The following CDH19 variants were observed in gnomAD, a reference collection of about 807,000 sequenced individuals.
CDH19 encodes cadherin-19.
CDH19 carries 67 observed loss-of-function variants against 64.2 expected under a neutral mutation model. The observed-to-expected ratio is 1.04, with a 90% CI of 0.86 to 1.28. The LOEUF is 1.28. CDH19 is among the 50% of genes most tolerant of loss of function. The pLI is 0.00. For missense variants in CDH19, 1,030 were observed against 929.0 expected, an observed-to-expected ratio of 1.11 and a Z score of -1.41; for synonymous variants, 346 against 319.3, an observed-to-expected ratio of 1.08 and a Z score of -0.89.
intron 4 of CDH19, 66 bp downstream of exon 4, chr18:66,554,339 T>C (rs1320114287): frequency 6.5e-7 from 1 of 1,538,244 alleles, no homozygotes; most frequent in Non-Finnish European, 8.9e-7. Context: ...TCTAAGCAGA[T>C]AATTTTTGCT....
At chr18:66,509,327 A>G in intron 10 of CDH19, 81 bp from the exon 11 acceptor site, 1 of 1,213,676 alleles carries the variant, frequency 8.2e-7, no homozygotes, top group East Asian at 2.4e-5. Context: ...GCTAGGGACA[A>G]TAGTATAGAG....
intron 3 of CDH19, among the ~76,000 whole-genome samples, chr18:66,566,907 T>G (rs1386091776): frequency 6.6e-6 from 1 of 151,790 alleles, no homozygotes; most frequent in Non-Finnish European, 1.5e-5. Flanking sequence ...TGTTGATGAC[T>G]TCCATATTGA....
intron 9 of CDH19, among the ~76,000 whole-genome samples, chr18:66,517,228 C>G (rs1021742819): frequency 6.6e-6 from 1 of 151,772 alleles, no homozygotes; most frequent in Admixed American, 6.6e-5. Flanking sequence ...GGAAGAGAAT[C>G]ATAGATCACA....
At chr18:66,593,872 G>T in intron 1 of CDH19, among the ~76,000 whole-genome samples, 1 of 152,114 alleles carries the variant, frequency 6.6e-6, no homozygotes, top group East Asian at 1.9e-4. Context: ...GTCTTTCAAA[G>T]AAGTTGCTGA....
intron 3 of CDH19, among the ~76,000 whole-genome samples, chr18:66,559,777 T>C (rs1040845009): frequency 2.6e-5 from 4 of 151,402 alleles, no homozygotes; most frequent in Non-Finnish European, 5.9e-5. Context: ...CAGGAATATC[T>C]AAACAAAAAC....
At chr18:66,516,342 G>A (rs906198122) in intron 9 of CDH19, among the ~76,000 whole-genome samples, 5 of 151,782 alleles carry the variant, frequency 3.3e-5, no homozygotes, top group African/African-American at 1.2e-4. Context: ...ACAACTGCTT[G>A]GTAATCAAAA....
chr18:66,524,937 G>C (rs1986163537), intron 9 of CDH19, among the ~76,000 whole-genome samples: 1 of 152,144 alleles, frequency 6.6e-6, no homozygotes, highest in East Asian at 1.9e-4. Flanking sequence ...CTGTCAAAGT[G>C]TTTTTCCATT....
At position 66,502,493 on chromosome 18, in the gene CDH19, C is replaced by T. The variant is rs926230270; in HGVS notation, c.*2319G>A. 2.0e-5 allele frequency: 3 copies of T among 151,850 alleles called. No individual in the cohort carries two copies. The highest frequency in any genetic ancestry group is 7.2e-5 in the African/African-American group (3 of 41,412). 9.4% of individuals were successfully genotyped at this position (151,850 alleles called of 1,614,324 possible). On this transcript the variant is annotated 3_prime_UTR_variant, in exon 12 of 12. Coordinates refer to ENST00000262150, the MANE Select transcript of CDH19 (RefSeq NM_021153.4). ...CAAAATTTCCGTCATCTCCAGAAAG[C>T]CTTATTTACTTTTTCTCGTCTATTT...
intron 5 of CDH19, among the ~76,000 whole-genome samples, chr18:66,549,396 A>G (rs1987255997): frequency 6.6e-6 from 1 of 151,912 alleles, no homozygotes; most frequent in African/African-American, 2.4e-5. Flanking sequence ...TCCAGACACT[A>G]TTTCCCACAT....
At chr18:66,603,344 G>T (rs189835901) in intron 1 of CDH19, among the ~76,000 whole-genome samples, 167 of 151,130 alleles carry the variant, frequency 1.1e-3, no homozygotes, top group Non-Finnish European at 2.0e-3. Context: ...TCATATTTGA[G>T]AAATTACCTT....
chr18:66,593,776 A>T (rs1279571958), intron 1 of CDH19, among the ~76,000 whole-genome samples: 1 of 152,082 alleles, frequency 6.6e-6, no homozygotes, highest in African/African-American at 2.4e-5. Context: ...AGCTGAAGAG[A>T]AGTTTTAGGA....
chr18:66,583,220 G>C (rs1988476546), intron 1 of CDH19, among the ~76,000 whole-genome samples: 1 of 151,988 alleles, frequency 6.6e-6, no homozygotes, highest in Admixed American at 6.6e-5. Flanking sequence ...AGACATATAA[G>C]CATTGATAAT....
At chr18:66,505,608 T>A (rs1483424450) in intron 11 of CDH19, among the ~76,000 whole-genome samples, 2 of 144,028 alleles carry the variant, frequency 1.4e-5, no homozygotes, top group Non-Finnish European at 3.1e-5. Context: ...TATTAGATGA[T>A]GAACAATTTA....
intron 5 of CDH19, among the ~76,000 whole-genome samples, chr18:66,548,166 A>T (rs1322118035): frequency 6.8e-6 from 1 of 147,008 alleles, no homozygotes; most frequent in Non-Finnish European, 1.5e-5. Flanking sequence ...CACATATATA[A>T]TATATACAAT....
chr18:66,527,045 A>G (rs1986248505), intron 9 of CDH19, among the ~76,000 whole-genome samples: 1 of 117,638 alleles, frequency 8.5e-6, no homozygotes, highest in African/African-American at 3.3e-5. Flanking sequence ...GTATATATAT[A>G]TATGTGTGTG....
At chr18:66,510,034 T>G (rs1985395727) in intron 10 of CDH19, among the ~76,000 whole-genome samples, 1 of 151,842 alleles carries the variant, frequency 6.6e-6, no homozygotes, top group East Asian at 1.9e-4. Context: ...CCCAAAATAT[T>G]ATGAATAACT....
chr18:66,538,367 ATCT>A (rs1986756679), intron 7 of CDH19, among the ~76,000 whole-genome samples: 1 of 152,066 alleles, frequency 6.6e-6, no homozygotes, highest in Admixed American at 6.6e-5. Flanking sequence ...TTTCATCTAT[ATCT>A]TGGAGAATTC....
intron 1 of CDH19, among the ~76,000 whole-genome samples, chr18:66,600,319 C>T (rs2144648569): frequency 6.6e-6 from 1 of 151,700 alleles, no homozygotes; most frequent in Non-Finnish European, 1.5e-5. Context: ...TCTGGCAACC[C>T]TAAAGTTCTA....
chr18:66,582,163 G>T (rs913752414), intron 1 of CDH19, among the ~76,000 whole-genome samples: 3 of 151,990 alleles, frequency 2.0e-5, no homozygotes, highest in Non-Finnish European at 4.4e-5. Context: ...TTCTTCAAAT[G>T]ACAAAATATA....
Sources: gnomAD v4.1 joint callset for allele counts (sites outside exome capture counted in the v4.1 genomes callset) on GRCh38, gnomAD v4.1.1 for gene constraint, MANE v1.5 for transcripts, NCBI Gene and HGNC (gene_info 2026-07-23, HGNC 2026-07-21) for gene names.